MUCL1: variants seen among roughly 807,000 people sequenced by gnomAD.
MUCL1 encodes the protein mucin-like protein 1.
A neutral mutation model predicts 9.2 loss-of-function variants in MUCL1; 11 were observed. That is an observed-to-expected ratio of 1.19 (90% CI 0.75 to 1.97). The LOEUF (loss-of-function observed/expected upper bound fraction) is 1.97. Among genes scored for constraint, MUCL1 ranks in the 30% most tolerant of loss-of-function variants. MUCL1 has a pLI of 0.00. For missense variants in MUCL1, 144 were observed against 110.9 expected (o/e 1.30, Z -1.34); for synonymous variants, 48 against 40.5 (o/e 1.19, Z -0.71).
At chr12:54,834,996 G>T (rs186991779), upstream of MUCL1, among the ~76,000 whole-genome samples, 17 of 152,032 alleles carry the variant, frequency 1.1e-4, no homozygotes, top group East Asian at 3.1e-3. Flanking sequence ...GAGAACATAC[G>T]GTATTTTGTT....
At chr12:54,844,969 C>G (rs1365315495) in intron 1 of MUCL1, among the ~76,000 whole-genome samples, 1 of 151,524 alleles carries the variant, frequency 6.6e-6, no homozygotes, top group Non-Finnish European at 1.5e-5. Context: ...GAAGGAATGT[C>G]TTATCTCTTC....
Position 54,856,911 on chromosome 12 carries a change from C to T in MUCL1, c.223+19C>T, listed in dbSNP as rs770324873. On this transcript the variant is annotated intron_variant, in intron 3 of 3. Coordinates refer to ENST00000308796, the MANE Select transcript of MUCL1 (RefSeq NM_058173.3). ...ATTCCAGGTAGCAAGACTCCTCCAT[C>T]TGTGTGCTTCCTTTATGTGGCTCCT... 6.8e-6 allele frequency: 11 copies of T among 1,613,514 alleles called. No homozygotes were observed. The highest frequency in any genetic ancestry group is 2.2e-5 in the East Asian group (1 of 44,870).
upstream of MUCL1, among the ~76,000 whole-genome samples, chr12:54,853,558 A>T (rs919066519): frequency 6.6e-6 from 1 of 152,122 alleles, no homozygotes; most frequent in Non-Finnish European, 1.5e-5. Context: ...TCAGCTCCTT[A>T]AGAGTCTGTT....
chr12:54,850,314 C>G (rs1162217209), upstream of MUCL1, among the ~76,000 whole-genome samples: 1 of 139,604 alleles, frequency 7.2e-6, no homozygotes, highest in Non-Finnish European at 1.5e-5. Flanking sequence ...CCCCCCTCCC[C>G]CCACCCCACC....
intron 1 of MUCL1, among the ~76,000 whole-genome samples, chr12:54,845,161 A>G (rs1209364397): frequency 1.3e-5 from 2 of 151,984 alleles, no homozygotes; most frequent in East Asian, 3.9e-4. Context: ...CTACCTCAGT[A>G]TGATGGCCTC....
intron 1 of MUCL1, among the ~76,000 whole-genome samples, chr12:54,833,703 C>G (rs1959188497): frequency 6.6e-6 from 1 of 151,680 alleles, no homozygotes; most frequent in Non-Finnish European, 1.5e-5. Context: ...CCATCATTCT[C>G]AGCAAACTAT....
At chr12:54,854,706 A>G (rs1345801422) in intron 1 of MUCL1, 66 bp downstream of exon 1, 2 of 1,412,138 alleles carry the variant, frequency 1.4e-6, no homozygotes, top group Non-Finnish European at 2.0e-6. Context: ...TCCTCTAAAG[A>G]TGTGGGCTTA....
chr12:54,831,272 G>C (rs556064084), intron 1 of MUCL1, among the ~76,000 whole-genome samples: 1 of 152,232 alleles, frequency 6.6e-6, no homozygotes, highest in South Asian at 2.1e-4. Flanking sequence ...AATTGACTTA[G>C]AGATAAATGA....
chr12:54,842,179 A>T (rs1198194796), intron 1 of MUCL1, among the ~76,000 whole-genome samples: 1 of 152,046 alleles, frequency 6.6e-6, no homozygotes, highest in Non-Finnish European at 1.5e-5. Flanking sequence ...TTTATTTTGG[A>T]TAGTTCCTGC....
intron 1 of MUCL1, among the ~76,000 whole-genome samples, chr12:54,841,698 A>G (rs1959212880): frequency 6.6e-6 from 1 of 152,164 alleles, no homozygotes; most frequent in East Asian, 1.9e-4. Context: ...TACTATTAGT[A>G]TTTTTAGTTG....
intron 3 of MUCL1, among the ~76,000 whole-genome samples, 157 bp from the exon 4 acceptor site, chr12:54,858,036 G>A (rs1382634286): frequency 1.3e-5 from 2 of 152,116 alleles, no homozygotes; most frequent in East Asian, 3.8e-4. Flanking sequence ...ACAGAAATTG[G>A]TTGTTTATCT....
chr12:54,858,276 A>C lies in MUCL1; in HGVS notation c.*34A>C. 1 of 1,612,296 alleles carries C rather than the reference A, an allele frequency of 6.2e-7. No homozygotes were observed. Among genetic ancestry groups the C allele is most frequent in the Non-Finnish European group, 8.5e-7 (1 of 1,178,546 alleles). ...CAGCTTGAGTCTTCTGCAATTGGTC[A>C]CAACTATTCATGCTTCCTGTGATTT... is the stretch of plus-strand genomic sequence containing the variant. On this transcript the variant is annotated 3_prime_UTR_variant, in exon 4 of 4. Transcript: ENST00000308796.
intron 1 of MUCL1, among the ~76,000 whole-genome samples, chr12:54,845,027 T>C (rs1490822933): frequency 1.3e-5 from 2 of 152,160 alleles, no homozygotes; most frequent in African/African-American, 4.8e-5. Context: ...TGGCTGGAGG[T>C]AGAAATCATT....
chr12:54,855,984 G>A (rs993616953), intron 2 of MUCL1, among the ~76,000 whole-genome samples: 2 of 152,174 alleles, frequency 1.3e-5, no homozygotes, highest in Admixed American at 1.3e-4. Context: ...TTGCTGAGGT[G>A]AGTCTAACTC....
At chr12:54,850,240 A>G (rs1959316758), upstream of MUCL1, among the ~76,000 whole-genome samples, 2 of 152,116 alleles carry the variant, frequency 1.3e-5, no homozygotes, top group Non-Finnish European at 2.9e-5. Flanking sequence ...TACATGTGCC[A>G]TGTTGGGGTG....
At chr12:54,850,842 G>A (rs1959328414), upstream of MUCL1, among the ~76,000 whole-genome samples, 1 of 152,116 alleles carries the variant, frequency 6.6e-6, no homozygotes, top group Non-Finnish European at 1.5e-5. Context: ...ACTTTTTAAT[G>A]ATTGCCATTC....
chr12:54,850,208 G>A (rs1959316220), upstream of MUCL1, among the ~76,000 whole-genome samples: 2 of 151,958 alleles, frequency 1.3e-5, no homozygotes, highest in African/African-American at 2.4e-5. Flanking sequence ...TGTGCACAAC[G>A]TGCAGGTTTG....
At chr12:54,845,115 A>G (rs1959237121) in intron 1 of MUCL1, among the ~76,000 whole-genome samples, 1 of 152,236 alleles carries the variant, frequency 6.6e-6, no homozygotes, top group African/African-American at 2.4e-5. Context: ...ACTGTCGGCC[A>G]GAATGCCCAC....
intron 1 of MUCL1, among the ~76,000 whole-genome samples, chr12:54,846,196 C>T (rs1007033091): frequency 2.0e-5 from 3 of 152,140 alleles, no homozygotes; most frequent in African/African-American, 4.8e-5. Context: ...TAACACAAGC[C>T]GTCTGCAGAT....
Sources: gnomAD v4.1 joint callset for allele counts (sites outside exome capture counted in the v4.1 genomes callset) on GRCh38, gnomAD v4.1.1 for gene constraint, MANE v1.5 for transcripts, NCBI Gene and HGNC (gene_info 2026-07-23, HGNC 2026-07-21) for gene names.